The following SEMA4D variants were observed in gnomAD, a reference collection of about 807,000 sequenced individuals.
The protein encoded by SEMA4D is semaphorin 4D, also known as semaphorin-4D.
In SEMA4D, 22 loss-of-function variants were observed where a neutral mutation model predicts 74.8. The observed-to-expected ratio is 0.29, with a 90% CI of 0.21 to 0.42. SEMA4D has a LOEUF of 0.42. SEMA4D is among the 10% of genes least tolerant of loss of function. The pLI, the probability that SEMA4D is intolerant of heterozygous loss-of-function variation, is 1.00. For synonymous variants in SEMA4D, 445 were observed against 463.7 expected (o/e 0.96, Z 0.52); for missense variants, 937 against 1,118.4 (o/e 0.84, Z 2.31).
At chr9:89,479,493 C>T in intron 1 of SEMA4D, 1 of 175,620 alleles carries the variant, frequency 5.7e-6, no homozygotes, top group Non-Finnish European at 1.2e-5. Flanking sequence ...CCTATTGTGT[C>T]CGGAATTGGT....
intron 2 of SEMA4D, among the ~76,000 whole-genome samples, chr9:89,421,185 G>C (rs920784927): frequency 6.6e-6 from 1 of 152,232 alleles, no homozygotes; most frequent in African/African-American, 2.4e-5. Context: ...CTGTGGACGG[G>C]GAGAGGGCCG....
chr9:89,421,421 C>T (rs924396043), intron 2 of SEMA4D, among the ~76,000 whole-genome samples: 12 of 152,196 alleles, frequency 7.9e-5, no homozygotes, highest in African/African-American at 1.2e-4. Flanking sequence ...GACATGTTTC[C>T]GCACCCTGCT....
chr9:89,476,829 G>T (rs981414033), intron 1 of SEMA4D, among the ~76,000 whole-genome samples: 1 of 152,148 alleles, frequency 6.6e-6, no homozygotes, highest in Non-Finnish European at 1.5e-5. Flanking sequence ...GCGGAAGGAA[G>T]CCCCCATGAC....
intron 2 of SEMA4D, chr9:89,449,750 CAAGA>C (rs1853894218): frequency 1.6e-5 from 24 of 1,524,184 alleles, no homozygotes; most frequent in South Asian, 1.0e-4. Flanking sequence ...GGAAAATCTT[CAAGA>C]AAGAAAAAGA....
intron 18 of SEMA4D, among the ~76,000 whole-genome samples, chr9:89,363,188 G>A (rs1047883317): frequency 4.6e-5 from 7 of 152,310 alleles, no homozygotes; most frequent in South Asian, 2.1e-4. Context: ...TCCCAGTCTC[G>A]CCTCCCTTCA....
Position 89,431,187 on chromosome 9 carries a change from C to G in SEMA4D, c.-244+24701G>C, listed in dbSNP as rs138822190. Among the ~76,000 whole-genome samples the G allele has an allele frequency of 1.8e-3, 267 of 152,350 alleles. 1 individual carries two copies. Among genetic ancestry groups the G allele is most frequent in the Middle Eastern group, 3.4e-3 (1 of 294 alleles). On this transcript the variant is annotated intron_variant, in intron 2 of 15. Transcript: ENST00000422704. ...TGTAAAAAACCCAGTCATAAAAGGT[C>G]ACACCCAGGGAATGGCCTGACTGGC...
intron 1 of SEMA4D, among the ~76,000 whole-genome samples, chr9:89,477,249 T>C (rs949452108): frequency 5.5e-5 from 8 of 146,002 alleles, no homozygotes; most frequent in Admixed American, 3.5e-4. Context: ...ACAAGGTACA[T>C]GCACGTACAC....
intron 5 of SEMA4D, among the ~76,000 whole-genome samples, chr9:89,397,601 G>C (rs1452288030): frequency 6.6e-6 from 1 of 152,228 alleles, no homozygotes; most frequent in Non-Finnish European, 1.5e-5. Flanking sequence ...GATTAGGAGA[G>C]TTCTCTTTTT....
At position 89,456,938 on chromosome 9, in the gene SEMA4D, C is replaced by T. The variant is rs1856080585; in HGVS notation, c.-309-985G>A. ...GAAGTAGCGGAAGGCTTACTAATGC[C>T]CCTGCATTAAGGAGAAACATGAATC... On this transcript the variant is annotated intron_variant, in intron 1 of 15. Coordinates refer to ENST00000422704, the MANE Select transcript of SEMA4D (RefSeq NM_001371194.2). Among the ~76,000 whole-genome samples the T allele has an allele frequency of 1.3e-5, 2 of 152,072 alleles. 1 individual carries two copies. The highest frequency in any genetic ancestry group is 4.1e-4 in the South Asian group (2 of 4,828).
At chr9:89,436,738 G>A (rs1309524975) in intron 2 of SEMA4D, among the ~76,000 whole-genome samples, 1 of 152,244 alleles carries the variant, frequency 6.6e-6, no homozygotes, top group Non-Finnish European at 1.5e-5. Flanking sequence ...AGAGGAGGGT[G>A]TGGGGGGTTG....
intron 1 of SEMA4D, among the ~76,000 whole-genome samples, chr9:89,485,004 G>T (rs1272900028): frequency 5.9e-5 from 9 of 151,912 alleles, no homozygotes; most frequent in Non-Finnish European, 1.2e-4. Flanking sequence ...GTGTGTGTGT[G>T]TGTGTGTTCC....
At chr9:89,456,630 G>A (rs1352706779) in intron 1 of SEMA4D, among the ~76,000 whole-genome samples, 1 of 152,198 alleles carries the variant, frequency 6.6e-6, no homozygotes, top group African/African-American at 2.4e-5. Flanking sequence ...CTCCAGGCTG[G>A]AGCGCAGCGG....
intron 2 of SEMA4D, among the ~76,000 whole-genome samples, chr9:89,448,010 T>G (rs1407670456): frequency 6.6e-6 from 1 of 152,236 alleles, no homozygotes; most frequent in African/African-American, 2.4e-5. Context: ...TTTATTTGCA[T>G]AGGGTCTTGC....
At chr9:89,420,554 G>T (rs568511861) in intron 2 of SEMA4D, among the ~76,000 whole-genome samples, 1 of 152,368 alleles carries the variant, frequency 6.6e-6, no homozygotes, top group East Asian at 1.9e-4. Flanking sequence ...CTTGCGAACA[G>T]GTATTTAGTG....
intron 16 of SEMA4D, among the ~76,000 whole-genome samples, chr9:89,370,204 AT>A (rs1834337715): frequency 1.4e-5 from 2 of 145,728 alleles, no homozygotes. Context: ...GGTGTGTGTG[AT>A]TTGGTGTATG....
intron 12 of SEMA4D, chr9:89,387,081 C>T (rs879047486): frequency 9.2e-6 from 3 of 326,768 alleles, no homozygotes; most frequent in East Asian, 1.2e-4. Flanking sequence ...CACCTGCCCC[C>T]TGCGTGGGCA....
At chr9:89,449,627 G>T (rs947187900) in intron 2 of SEMA4D, 2 of 1,225,876 alleles carry the variant, frequency 1.6e-6, no homozygotes, top group Admixed American at 3.4e-5. Context: ...CTATAAGATG[G>T]GGGGGTGACA....
Position 89,391,392 on chromosome 9 carries a change from C to A in SEMA4D, c.646G>T (p.Val216Leu). The A allele has an allele frequency of 6.2e-7, 1 of 1,614,248 alleles. No individual in the cohort carries two copies. Among genetic ancestry groups the A allele is most frequent in the East Asian group, 2.2e-5 (1 of 44,890 alleles). ...LNEPSFVFAD[V>L]IRKSPDSPDG... ...GGGCTGTCTGGGCTTTTTCGGATCA[C>A]GTCAGCAAACACGAAACTAGGCTCT... Residue 216 changes from valine (V) to leucine (L), a missense_variant, in exon 9 of 16, where the codon GTG becomes TTG. Val to Leu is a conservative substitution (Grantham distance 32). Transcript: ENST00000422704.
At chr9:89,407,040 C>T (rs1370150603) in intron 2 of SEMA4D, among the ~76,000 whole-genome samples, 1 of 151,624 alleles carries the variant, frequency 6.6e-6, no homozygotes, top group Admixed American at 6.6e-5. Context: ...TCCATCTCCA[C>T]CACCATCACT....
Sources: allele counts gnomAD v4.1 joint callset (sites outside exome capture counted in the v4.1 genomes callset), GRCh38; gene constraint gnomAD v4.1.1; transcripts MANE v1.5; gene names NCBI Gene and HGNC (gene_info 2026-07-23, HGNC 2026-07-21).